Variants in BNC2 observed in about 807,000 individuals in gnomAD.
BNC2 encodes the protein basonuclin zinc finger protein 2.
Under a neutral mutation model 76.3 loss-of-function variants are expected in BNC2, and 20 were observed. The observed-to-expected ratio is 0.26, with a 90% CI of 0.18 to 0.38. The LOEUF (loss-of-function observed/expected upper bound fraction) is 0.38, where lower values mean the gene tolerates loss of function less well. BNC2 is among the 10% of genes least tolerant of loss of function. BNC2 has a pLI of 1.00. For synonymous variants in BNC2, 582 were observed against 514.8 expected (o/e 1.13, Z -1.77); for missense variants, 1,382 against 1,399.8 (o/e 0.99, Z 0.20).
intron 6 of BNC2, among the ~76,000 whole-genome samples, chr9:16,433,157 A>G (rs1385560475): frequency 2.6e-5 from 4 of 152,228 alleles, no homozygotes; most frequent in Non-Finnish European, 5.9e-5. Context: ...GACTCAACCA[A>G]GATGAACACT....
chr9:16,813,077 C>T (rs970256705), intron 1 of BNC2, among the ~76,000 whole-genome samples: 3 of 151,836 alleles, frequency 2.0e-5, no homozygotes, highest in Non-Finnish European at 4.4e-5. Flanking sequence ...GGCGTGGTGA[C>T]GCCCCAGCTA....
intron 4 of BNC2, among the ~76,000 whole-genome samples, chr9:16,559,747 T>C (rs1006683041): frequency 4.6e-5 from 7 of 152,210 alleles, no homozygotes; most frequent in African/African-American, 1.7e-4. Flanking sequence ...GCTGACCTTA[T>C]TGATCACCAC....
At chr9:16,768,459 A>G (rs1397322545) in intron 1 of BNC2, among the ~76,000 whole-genome samples, 1 of 152,238 alleles carries the variant, frequency 6.6e-6, no homozygotes, top group Non-Finnish European at 1.5e-5. Flanking sequence ...ACATTTAACA[A>G]GAATTGGAAA....
intron 5 of BNC2, among the ~76,000 whole-genome samples, chr9:16,538,825 G>C (rs866775251): frequency 5.4e-4 from 82 of 152,102 alleles, no homozygotes; most frequent in Admixed American, 3.3e-4. Context: ...ATTCCTTAAA[G>C]CATTGACTTT....
At chr9:16,540,448 T>C (rs10756759) in intron 5 of BNC2, among the ~76,000 whole-genome samples, 24,770 of 152,126 alleles carry the variant, frequency 0.16, 2,380 homozygotes, top group Non-Finnish European at 0.21. Flanking sequence ...AATACGCATA[T>C]TACAATGGTT....
chr9:16,739,913 G>A (rs1304059076), intron 1 of BNC2, among the ~76,000 whole-genome samples: 1 of 152,134 alleles, frequency 6.6e-6, no homozygotes, highest in African/African-American at 2.4e-5. Context: ...AGTATGGGGG[G>A]AACAGCAGAT....
At chr9:16,801,982 G>C (rs1455587509) in intron 1 of BNC2, among the ~76,000 whole-genome samples, 6 of 151,990 alleles carry the variant, frequency 3.9e-5, no homozygotes, top group Non-Finnish European at 8.8e-5. Context: ...ACATGCAATG[G>C]GGCAGTCCAC....
chr9:16,496,617 G>A (rs1022701964), intron 5 of BNC2, among the ~76,000 whole-genome samples: 2 of 152,128 alleles, frequency 1.3e-5, no homozygotes, highest in Non-Finnish European at 2.9e-5. Context: ...AGATGATTAA[G>A]CAATGCTCTG....
intron 4 of BNC2, among the ~76,000 whole-genome samples, chr9:16,560,360 T>C (rs1563839827): frequency 6.6e-6 from 1 of 152,194 alleles, no homozygotes; most frequent in Non-Finnish European, 1.5e-5. Flanking sequence ...CAAAGACCTG[T>C]GGAAAGCTTA....
intron 5 of BNC2, among the ~76,000 whole-genome samples, chr9:16,461,410 G>C (rs528071453): frequency 3.0e-4 from 46 of 152,098 alleles, no homozygotes; most frequent in Non-Finnish European, 4.9e-4. Flanking sequence ...ACTTGAATGA[G>C]GATTTATGCT....
At chr9:16,797,560 G>C (rs1817688444) in intron 1 of BNC2, among the ~76,000 whole-genome samples, 1 of 152,022 alleles carries the variant, frequency 6.6e-6, no homozygotes. Context: ...TCTTAAGGAT[G>C]ACACAATATC....
At chr9:16,529,759 A>T (rs1817919094) in intron 5 of BNC2, among the ~76,000 whole-genome samples, 4 of 152,204 alleles carry the variant, frequency 2.6e-5, no homozygotes. Flanking sequence ...TCCTTAATCC[A>T]ACCTTCTATG....
intron 1 of BNC2, among the ~76,000 whole-genome samples, chr9:16,765,621 A>C (rs1279858681): frequency 6.6e-6 from 1 of 152,110 alleles, no homozygotes; most frequent in African/African-American, 2.4e-5. Context: ...AAATTTTAAA[A>C]CCAACCCCAA....
chr9:16,867,676 A>C (rs779512613), intron 1 of BNC2: 3 of 152,032 alleles, frequency 2.0e-5, no homozygotes, highest in Non-Finnish European at 4.4e-5. Flanking sequence ...CAACAACAAA[A>C]AGAATAGCTC....
chr9:16,426,876 TAC>T (rs1820812437), intron 6 of BNC2, among the ~76,000 whole-genome samples: 1 of 152,204 alleles, frequency 6.6e-6, no homozygotes, highest in Non-Finnish European at 1.5e-5. Context: ...ATCCCAGTCA[TAC>T]AGATACATGT....
At chr9:16,447,832 C>T (rs537796989) in intron 5 of BNC2, among the ~76,000 whole-genome samples, 2 of 152,056 alleles carry the variant, frequency 1.3e-5, no homozygotes, top group Non-Finnish European at 1.5e-5. Context: ...AAACAAATAT[C>T]GGTAGTCTTT....
intron 1 of BNC2, among the ~76,000 whole-genome samples, chr9:16,793,377 C>T (rs1176349864): frequency 2.0e-5 from 3 of 152,194 alleles, no homozygotes; most frequent in South Asian, 2.1e-4. Flanking sequence ...CCCCATCACA[C>T]CTTTCATCAA....
chr9:16,837,142 C>G (rs895303820), intron 1 of BNC2, among the ~76,000 whole-genome samples: 1 of 151,976 alleles, frequency 6.6e-6, no homozygotes, highest in Admixed American at 6.6e-5. Flanking sequence ...GTTTTTGAAC[C>G]CAAAAAATGG....
intron 5 of BNC2, among the ~76,000 whole-genome samples, chr9:16,477,012 A>C (rs1225120847): frequency 6.6e-6 from 1 of 152,142 alleles, no homozygotes; most frequent in South Asian, 2.1e-4. Flanking sequence ...TGAGAACTTA[A>C]ATACAAGTGT....
Sources: gnomAD v4.1 joint callset for allele counts (sites outside exome capture counted in the v4.1 genomes callset) on GRCh38, gnomAD v4.1.1 for gene constraint, MANE v1.5 for transcripts, NCBI Gene and HGNC (gene_info 2026-07-23, HGNC 2026-07-21) for gene names.